Variants in NRCAM observed in about 807,000 individuals in gnomAD.
The protein encoded by NRCAM is NgCAM-related cell adhesion molecule.
A neutral mutation model predicts 156.5 loss-of-function variants in NRCAM; 83 were observed. The ratio of observed to expected loss-of-function variants is 0.53; its 90% CI spans 0.44 to 0.64. NRCAM has a LOEUF of 0.64. NRCAM is among the 30% of genes least tolerant of loss of function. The pLI is 0.00. For missense variants in NRCAM, 1,417 were observed against 1,597.3 expected (o/e 0.89, Z 1.92); for synonymous variants, 538 against 563.9 (o/e 0.95, Z 0.65).
At chr7:108,216,827 AG>A (rs2089291418) in intron 11 of NRCAM, among the ~76,000 whole-genome samples, 1 of 151,996 alleles carries the variant, frequency 6.6e-6, no homozygotes, top group South Asian at 2.1e-4. Context: ...CCTTTTTTCA[AG>A]GTTCTTAGCT....
chr7:108,447,692 T>C (rs1007471476), intron 1 of NRCAM, among the ~76,000 whole-genome samples: 1 of 152,234 alleles, frequency 6.6e-6, no homozygotes, highest in Non-Finnish European at 1.5e-5. Flanking sequence ...GAAATAACTT[T>C]AGCTTTCAAT....
At chr7:108,170,095 T>C (rs756309597) in intron 28 of NRCAM, among the ~76,000 whole-genome samples, 1 of 152,092 alleles carries the variant, frequency 6.6e-6, no homozygotes, top group Admixed American at 6.5e-5. Flanking sequence ...CCTAAATTCA[T>C]TGCAGCATTA....
At chr7:108,444,879 C>T (rs575861803) in intron 1 of NRCAM, among the ~76,000 whole-genome samples, 159 of 152,208 alleles carry the variant, frequency 1.0e-3, no homozygotes, top group Non-Finnish European at 1.9e-3. Context: ...AATTCTGTGT[C>T]GACAGAGTCC....
chr7:108,451,219 CA>C (rs143670293), intron 1 of NRCAM, among the ~76,000 whole-genome samples: 70 of 106,988 alleles, frequency 6.5e-4, no homozygotes, highest in African/African-American at 1.1e-3. Flanking sequence ...ACTCCGTCTC[CA>C]AAAAAAAAAA....
intron 2 of NRCAM, among the ~76,000 whole-genome samples, chr7:108,322,707 C>CCT (rs1334893865): frequency 6.6e-6 from 1 of 152,008 alleles, no homozygotes. Context: ...GAGTCTCTGA[C>CCT]CACTCAGTTC....
Position 108,194,255 on chromosome 7 carries a change from G to A in NRCAM, c.1630+7C>T. On this transcript the variant is annotated splice_region_variant and intron_variant, in intron 16 of 32. Coordinates refer to ENST00000379028, the MANE Select transcript of NRCAM (RefSeq NM_001037132.4). Reference sequence around the variant, plus strand: ...TTTAAAAATTAAACACATTACCTCTGCCTTACCTTTGATTTCTAAGTGAAC... The same window carrying A: ...TTTAAAAATTAAACACATTACCTCTACCTTACCTTTGATTTCTAAGTGAAC... 2 of 1,611,418 alleles carry A rather than the reference G, an allele frequency of 1.2e-6. No individual in the cohort carries two copies. Among genetic ancestry groups the A allele is most frequent in the Non-Finnish European group, 1.7e-6 (2 of 1,178,084 alleles).
At chr7:108,238,653 AAC>A (rs1242393542) in intron 4 of NRCAM, among the ~76,000 whole-genome samples, 1 of 152,266 alleles carries the variant, frequency 6.6e-6, no homozygotes, top group African/African-American at 2.4e-5. Flanking sequence ...TATAAGAGAG[AAC>A]AAAAGCATTT....
intron 11 of NRCAM, among the ~76,000 whole-genome samples, chr7:108,210,816 G>C (rs189232157): frequency 3.7e-4 from 57 of 152,264 alleles, no homozygotes; most frequent in African/African-American, 1.3e-3. Flanking sequence ...TGTGTGTTGG[G>C]AAGATGATGA....
intron 2 of NRCAM, among the ~76,000 whole-genome samples, chr7:108,355,195 T>C (rs1167446053): frequency 6.6e-6 from 1 of 152,152 alleles, no homozygotes; most frequent in Non-Finnish European, 1.5e-5. Context: ...AAAACACATA[T>C]TAAAGAGCAA....
intron 4 of NRCAM, among the ~76,000 whole-genome samples, chr7:108,239,646 C>T (rs1049987403): frequency 9.2e-5 from 14 of 152,172 alleles, no homozygotes; most frequent in Admixed American, 3.3e-4. Context: ...TCTAAAGAGC[C>T]GCCTGTTGGG....
chr7:108,241,413 C>T (rs1156295286), intron 3 of NRCAM, among the ~76,000 whole-genome samples: 1 of 152,198 alleles, frequency 6.6e-6, no homozygotes, highest in Non-Finnish European at 1.5e-5. Flanking sequence ...TCCTCTCATT[C>T]ATGAAGAGAA....
At chr7:108,308,140 T>C (rs1202393071) in intron 3 of NRCAM, among the ~76,000 whole-genome samples, 1 of 152,258 alleles carries the variant, frequency 6.6e-6, no homozygotes, top group Non-Finnish European at 1.5e-5. Flanking sequence ...AACTTTCATT[T>C]GGAATAAGCT....
Position 108,160,340 on chromosome 7 carries a change from AT to A in NRCAM, c.3598+20del. On this transcript the variant is annotated intron_variant, in intron 31 of 32. Coordinates refer to ENST00000379028, the MANE Select transcript of NRCAM (RefSeq NM_001037132.4). ...GATTATTATGTAGCATTATAAAGCA[AT>A]TTTAATCTTTCTTTCTTACCTGGAT... 1 of 1,606,846 alleles carries A rather than the reference AT, an allele frequency of 6.2e-7. No homozygotes were observed. The highest frequency in any genetic ancestry group is 8.5e-7 in the Non-Finnish European group (1 of 1,174,258).
chr7:108,393,043 T>C (rs1408735821), intron 2 of NRCAM, among the ~76,000 whole-genome samples: 1 of 152,172 alleles, frequency 6.6e-6, no homozygotes, highest in Non-Finnish European at 1.5e-5. Flanking sequence ...AGAGTGTCCA[T>C]TCTCAGATCT....
intron 28 of NRCAM, among the ~76,000 whole-genome samples, chr7:108,172,269 G>A (rs1454562013): frequency 3.3e-5 from 4 of 122,328 alleles, no homozygotes; most frequent in Non-Finnish European, 5.7e-5. Flanking sequence ...TCCAGACCCT[G>A]AAATCATTTA....
intron 2 of NRCAM, among the ~76,000 whole-genome samples, chr7:108,384,714 G>C (rs2395963): frequency 6.6e-6 from 1 of 152,168 alleles, no homozygotes; most frequent in African/African-American, 2.4e-5. Context: ...TCTAGGGTAG[G>C]ACCCACAACT....
chr7:108,409,165 G>A (rs561964709), intron 1 of NRCAM, among the ~76,000 whole-genome samples: 43 of 152,314 alleles, frequency 2.8e-4, no homozygotes, highest in African/African-American at 9.1e-4. Context: ...GGATCAACGC[G>A]TGCAGAGCAT....
At position 108,223,778 on chromosome 7, in the gene NRCAM, G is replaced by A. The variant is rs1390733787; in HGVS notation, c.837C>T (p.Asn279=). The A allele has an allele frequency of 1.9e-6, 3 of 1,611,542 alleles. No individual in the cohort carries two copies. Among genetic ancestry groups the A allele is most frequent in the Non-Finnish European group, 1.7e-6 (2 of 1,178,062 alleles). ...TFLTPEGNAS[N]KEELRGNVLS... ...GCACATTTCCTCTTAATTCCTCTTT[G>A]TTACTTGCATTGCCTTCTGGAGTTA... Residue 279 remains asparagine, a synonymous_variant, in exon 11 of 33, where the codon AAC becomes AAT. Transcript: ENST00000379028.
chr7:108,386,782 G>A (rs10235291), intron 2 of NRCAM, among the ~76,000 whole-genome samples: 134,421 of 152,142 alleles, frequency 0.88, 60,155 homozygotes, highest in East Asian at 1. Context: ...TGGATATAGT[G>A]ATTATTTTCT....
Sources: gnomAD v4.1 joint callset for allele counts (sites outside exome capture counted in the v4.1 genomes callset) on GRCh38, gnomAD v4.1.1 for gene constraint, MANE v1.5 for transcripts, NCBI Gene and HGNC (gene_info 2026-07-23, HGNC 2026-07-21) for gene names.